The following ADGRL2 variants were observed in gnomAD, a reference collection of about 807,000 sequenced individuals.
ADGRL2 encodes the protein adhesion G protein-coupled receptor L2.
Under a neutral mutation model 157.4 loss-of-function variants are expected in ADGRL2, and 44 were observed. The observed-to-expected ratio is 0.28, with a 90% confidence interval of 0.22 to 0.36. ADGRL2 has a LOEUF of 0.36. ADGRL2 is among the 10% of genes least tolerant of loss of function. The pLI is 1.00. For synonymous variants in ADGRL2, 585 were observed against 624.7 expected (o/e 0.94, Z 0.95); for missense variants, 1,510 against 1,768.9 (o/e 0.85, Z 2.63).
intron 1 of ADGRL2, among the ~76,000 whole-genome samples, chr1:81,756,520 G>A (rs115376587): frequency 0.012 from 1,763 of 152,250 alleles, 39 homozygotes; most frequent in African/African-American, 0.04. Context: ...GGGTAGATGT[G>A]AGGGTGCAGG....
chr1:81,490,976 A>G (rs752864823), intron 2 of ADGRL2, among the ~76,000 whole-genome samples: 6 of 152,254 alleles, frequency 3.9e-5, no homozygotes, highest in Non-Finnish European at 7.3e-5. Context: ...ACTCTTTGTT[A>G]TGAGAATCTG....
At chr1:81,410,037 A>G (rs112591403) in intron 1 of ADGRL2, among the ~76,000 whole-genome samples, 6 of 152,230 alleles carry the variant, frequency 3.9e-5, no homozygotes, top group Non-Finnish European at 8.8e-5. Context: ...AACTCTGAAT[A>G]TCAGCACGTT....
intron 2 of ADGRL2, among the ~76,000 whole-genome samples, chr1:81,887,832 A>G (rs1482496286): frequency 6.6e-6 from 1 of 152,234 alleles, no homozygotes; most frequent in Non-Finnish European, 1.5e-5. Context: ...GGCCTGCACA[A>G]AATTGCTGAG....
At chr1:81,773,507 G>A (rs967093003) in intron 2 of ADGRL2, among the ~76,000 whole-genome samples, 3 of 152,072 alleles carry the variant, frequency 2.0e-5, no homozygotes, top group African/African-American at 4.8e-5. Flanking sequence ...GCAAGTCGAA[G>A]GAAAAAGGAT....
intron 2 of ADGRL2, among the ~76,000 whole-genome samples, chr1:81,793,296 A>C (rs1480569293): frequency 6.6e-6 from 1 of 152,288 alleles, no homozygotes; most frequent in African/African-American, 2.4e-5. Context: ...AGGGAATTGC[A>C]TCTTTAATCA....
At chr1:81,530,724 A>G (rs2079576679) in intron 2 of ADGRL2, among the ~76,000 whole-genome samples, 1 of 152,144 alleles carries the variant, frequency 6.6e-6, no homozygotes, top group Admixed American at 6.5e-5. Flanking sequence ...GCTCTAAGTG[A>G]CACGAGCAGT....
At chr1:81,358,397 A>G (rs1281131939) in intron 1 of ADGRL2, among the ~76,000 whole-genome samples, 1 of 152,202 alleles carries the variant, frequency 6.6e-6, no homozygotes, top group African/African-American at 2.4e-5. Context: ...TACTCAGGGT[A>G]AAGTACAAGC....
At chr1:81,518,259 T>C (rs994229418) in intron 2 of ADGRL2, among the ~76,000 whole-genome samples, 1 of 152,244 alleles carries the variant, frequency 6.6e-6, no homozygotes, top group African/African-American at 2.4e-5. Flanking sequence ...CCTTTCACAG[T>C]GTGTCCTGGG....
At chr1:81,818,847 A>G (rs1471952975) in intron 1 of ADGRL2, among the ~76,000 whole-genome samples, 1 of 152,160 alleles carries the variant, frequency 6.6e-6, no homozygotes, top group African/African-American at 2.4e-5. Flanking sequence ...AAGAGACCCC[A>G]TTTATTTAGA....
chr1:81,597,117 C>T (rs1304031626), intron 3 of ADGRL2, among the ~76,000 whole-genome samples: 1 of 152,108 alleles, frequency 6.6e-6, no homozygotes. Flanking sequence ...AAGTATGTAA[C>T]AATAGGGAAA....
intron 3 of ADGRL2, among the ~76,000 whole-genome samples, chr1:81,692,514 T>C (rs72718803): frequency 0.018 from 2,685 of 152,064 alleles, 33 homozygotes; most frequent in South Asian, 0.054. Context: ...ACTGTTAGAA[T>C]AAAGTAAAAA....
intron 1 of ADGRL2, among the ~76,000 whole-genome samples, chr1:81,352,560 G>T (rs940084882): frequency 6.6e-6 from 1 of 152,138 alleles, no homozygotes; most frequent in Non-Finnish European, 1.5e-5. Flanking sequence ...GAAAAATTTT[G>T]TTGTACCTCG....
intron 3 of ADGRL2, among the ~76,000 whole-genome samples, chr1:81,601,105 C>T (rs1480931379): frequency 6.6e-6 from 1 of 152,098 alleles, no homozygotes; most frequent in East Asian, 1.9e-4. Context: ...CAGTGCAGAG[C>T]TGAGCAGGAT....
At chr1:81,837,092 A>G (rs774537739) in intron 2 of ADGRL2, 35 bp downstream of exon 2, 4 of 1,292,246 alleles carry the variant, frequency 3.1e-6, no homozygotes, top group Admixed American at 4.1e-5. Context: ...TTTTAAATCC[A>G]GGAGAACTTG....
At chr1:81,423,455 C>A (rs1055126611) in intron 1 of ADGRL2, among the ~76,000 whole-genome samples, 1 of 152,050 alleles carries the variant, frequency 6.6e-6, no homozygotes, top group African/African-American at 2.4e-5. Context: ...TCGCGACGGC[C>A]CAGAATGTTC....
At chr1:81,537,212 A>G (rs1278916750) in intron 2 of ADGRL2, among the ~76,000 whole-genome samples, 1 of 152,208 alleles carries the variant, frequency 6.6e-6, no homozygotes, top group East Asian at 1.9e-4. Flanking sequence ...ATCCTATACC[A>G]GAAACACATA....
At chr1:81,605,131 A>G (rs182112893) in intron 3 of ADGRL2, among the ~76,000 whole-genome samples, 24 of 152,268 alleles carry the variant, frequency 1.6e-4, no homozygotes, top group Non-Finnish European at 2.6e-4. Context: ...AGGAGCAGCA[A>G]TTCCCTCAGA....
intron 1 of ADGRL2, among the ~76,000 whole-genome samples, chr1:81,322,937 A>C (rs915010098): frequency 6.6e-6 from 1 of 150,926 alleles, no homozygotes; most frequent in Non-Finnish European, 1.5e-5. Context: ...AGCTCACTGC[A>C]ACCTCCCACT....
At chr1:81,669,209 G>A (rs1325319798) in intron 3 of ADGRL2, among the ~76,000 whole-genome samples, 1 of 152,008 alleles carries the variant, frequency 6.6e-6, no homozygotes, top group Non-Finnish European at 1.5e-5. Flanking sequence ...ATAGATCTGG[G>A]TGAGTATCTA....
Sources: gnomAD v4.1 joint callset for allele counts (sites outside exome capture counted in the v4.1 genomes callset) on GRCh38, gnomAD v4.1.1 for gene constraint, MANE v1.5 for transcripts, NCBI Gene and HGNC (gene_info 2026-07-23, HGNC 2026-07-21) for gene names.